Variants in POLE observed in about 807,000 individuals in gnomAD.
POLE encodes the protein DNA polymerase epsilon catalytic subunit A.
A neutral mutation model predicts 279.2 loss-of-function variants in POLE; 188 were observed. The ratio of observed to expected loss-of-function variants is 0.67; its 90% CI spans 0.60 to 0.76. The LOEUF is 0.76. Among genes scored for constraint, POLE ranks in the 30% least tolerant of loss-of-function variants. The pLI is 0.00. For missense variants in POLE, 2,703 were observed against 3,016.7 expected (o/e 0.90, Z 2.44); for synonymous variants, 1,214 against 1,172.5 (o/e 1.04, Z -0.72).
chr12:132,646,804 C>T (rs201954242), intron 32 of POLE, among the ~76,000 whole-genome samples: 47 of 151,830 alleles, frequency 3.1e-4, no homozygotes, highest in African/African-American at 1.0e-3. Context: ...GGACTCCAGC[C>T]GGGCAACAGG....
At chr12:132,650,600 GT>G (rs1452408289) in intron 29 of POLE, 2 of 152,156 alleles carry the variant, frequency 1.3e-5, no homozygotes, top group African/African-American at 4.8e-5. Context: ...GGGCGAGAGG[GT>G]GAGACCCTCT....
intron 19 of POLE, 76 bp from the exon 20 acceptor site, chr12:132,667,724 GAAGA>G: frequency 6.8e-7 from 1 of 1,465,122 alleles, no homozygotes; most frequent in Non-Finnish European, 9.5e-7. Context: ...CAGGGGTGCT[GAAGA>G]ACATGGCTTC....
chr12:132,659,763 A>C, intron 25 of POLE: 1 of 438,810 alleles, frequency 2.3e-6, no homozygotes, highest in Admixed American at 3.9e-5. Flanking sequence ...TGCAATCTCA[A>C]CTCACTAAAA....
Position 132,679,542 on chromosome 12 carries a change from C to T in POLE, c.533G>A (p.Arg178Lys). ...CGCGTCGCTGGCGTGATCCTGCTCC[C>T]TGTTCTTCTTCACGGCAGGGGAGAT... is the stretch of plus-strand genomic sequence containing the variant. ...KEISPAVKKN[R>K]EQDHASDAYT... The change falls in exon 6 of 49, where the codon AGG becomes AAG. Residue 178 changes from arginine (R) to lysine (K), a missense_variant. Arg to Lys is a conservative substitution (Grantham distance 26). Coordinates refer to ENST00000320574, the MANE Select transcript of POLE (RefSeq NM_006231.4). 6.2e-7 allele frequency: 1 copy of T among 1,614,102 alleles called. No homozygotes were observed. The highest frequency in any genetic ancestry group is 8.5e-7 in the Non-Finnish European group (1 of 1,179,952).
Position 132,675,473 on chromosome 12 carries a change from T to G in POLE, c.1151A>C (p.Gln384Pro). The G allele has an allele frequency of 6.2e-7, 1 of 1,614,182 alleles. No homozygotes were observed. The highest frequency in any genetic ancestry group is 8.5e-7 in the Non-Finnish European group (1 of 1,180,026). Reference sequence around the variant, plus strand: ...GTCCTTCTGGAAGCCTATCTCCTGCTGCATGCTCAGACCGTGGACTGCTGC... The same window carrying G: ...GTCCTTCTGGAAGCCTATCTCCTGCGGCATGCTCAGACCGTGGACTGCTGC... Reference protein sequence around the residue: ...ARAAVHGLSMQQEIGFQKDSQ... With the variant: ...ARAAVHGLSMPQEIGFQKDSQ... Residue 384 changes from glutamine (Q) to proline (P), a missense_variant, in exon 12 of 49, where the codon CAG becomes CCG. Physicochemically the swap from Gln to Pro is moderately conservative, Grantham distance 76. Transcript: ENST00000320574. This position sits in a 1 kb window ranked among gnomAD's most constrained non-coding sequence, Gnocchi z 4.3.
intron 33 of POLE, 22 bp downstream of exon 33, chr12:132,643,815 T>C (rs2138557624): frequency 6.2e-7 from 1 of 1,609,802 alleles, no homozygotes; most frequent in South Asian, 1.1e-5. Context: ...CCCAGTTCAG[T>C]CGAGGGTGGC....
chr12:132,666,391 C>T (rs2042797527), intron 20 of POLE, among the ~76,000 whole-genome samples: 1 of 152,214 alleles, frequency 6.6e-6, no homozygotes, highest in Non-Finnish European at 1.5e-5. Flanking sequence ...ACTTTGAGAC[C>T]AGCCTGGGCA....
chr12:132,661,508 A>G lies in POLE; in HGVS notation c.2864+19T>C. ...CAATCCATGTCCTTTCTAAAGCACA[A>G]AAGCTATGAGAGTCCCACCTCTTCT... is the stretch of plus-strand genomic sequence containing the variant. On this transcript the variant is annotated intron_variant, in intron 24 of 48. Transcript: ENST00000320574. The surrounding 1 kb of genome is among the most constrained non-coding windows in gnomAD (Gnocchi z 4.1). 6.2e-7 allele frequency: 1 copy of G among 1,612,914 alleles called. No homozygotes were observed. The highest frequency in any genetic ancestry group is 8.5e-7 in the Non-Finnish European group (1 of 1,179,362).
At chr12:132,667,450 C>G (rs963084218) in intron 20 of POLE, 53 bp downstream of exon 20, 1 of 1,593,114 alleles carries the variant, frequency 6.3e-7, no homozygotes. Context: ...ACTTCATGAG[C>G]CGACTGAAAC....
intron 41 of POLE, 70 bp from the exon 42 acceptor site, chr12:132,636,094 C>G (rs2138488482): frequency 6.6e-7 from 1 of 1,526,424 alleles, no homozygotes; most frequent in South Asian, 1.2e-5. Flanking sequence ...TTTATTTCCC[C>G]TTGTATCTAT....
chr12:132,625,038 GC>G, intron 47 of POLE, 44 bp from the exon 48 acceptor site: 1 of 1,424,948 alleles, frequency 7.0e-7, no homozygotes, highest in Non-Finnish European at 9.9e-7. Context: ...TCCCGCGCTG[GC>G]CAGACCTGCC....
intron 29 of POLE, among the ~76,000 whole-genome samples, chr12:132,654,418 C>T (rs999674490): frequency 6.6e-6 from 1 of 152,038 alleles, no homozygotes; most frequent in Non-Finnish European, 1.5e-5. Context: ...AAGTTCTATT[C>T]AGGTTTTTAT....
intron 25 of POLE, 132 bp downstream of exon 25, chr12:132,660,837 T>C: frequency 1.6e-6 from 1 of 627,772 alleles, no homozygotes; most frequent in East Asian, 2.7e-5. Flanking sequence ...TCAGGAGGTC[T>C]TGGGATTTCA....
At chr12:132,625,989 C>A in intron 46 of POLE, 128 bp downstream of exon 46, 1 of 1,141,468 alleles carries the variant, frequency 8.8e-7, no homozygotes. Context: ...GGCCTGTTGC[C>A]AATCCATGTG....
chr12:132,652,313 CCTT>C (rs1487658492), intron 29 of POLE, among the ~76,000 whole-genome samples: 2 of 121,596 alleles, frequency 1.6e-5, no homozygotes, highest in African/African-American at 6.4e-5. Flanking sequence ...ATTGTAGTTT[CCTT>C]TTTTTTTTTT....
At position 132,668,982 on chromosome 12, in the gene POLE, T is replaced by G. The variant is rs1453062866; in HGVS notation, c.1795-43A>C. On this transcript the variant is annotated intron_variant, in intron 16 of 48. Coordinates refer to ENST00000320574, the MANE Select transcript of POLE (RefSeq NM_006231.4). The surrounding 1 kb of genome is among the most constrained non-coding windows in gnomAD (Gnocchi z 4.0). ...CTCAGTAGAGGCTGGTGACCAAGCT[T>G]GCCTCGTGTGCAGTTCACCAACCCC... The G allele has an allele frequency of 5.0e-6, 8 of 1,591,712 alleles. No individual in the cohort carries two copies. Among genetic ancestry groups the G allele is most frequent in the Admixed American group, 3.4e-5 (2 of 58,686 alleles).
chr12:132,641,112 G>A, intron 39 of POLE: 1 of 455,746 alleles, frequency 2.2e-6, no homozygotes, highest in South Asian at 1.6e-5. Flanking sequence ...CCGTCCCTGG[G>A]CTGATGTGGG....
At chr12:132,632,292 C>T in intron 45 of POLE, 23 bp downstream of exon 45, 1 of 1,596,418 alleles carries the variant, frequency 6.3e-7, no homozygotes, top group Non-Finnish European at 8.6e-7. Flanking sequence ...GTCCTCTCCT[C>T]ACACGCACGC....
In POLE at chr12:132,639,247, G is replaced by A. The variant is rs2138510596; in HGVS notation, c.5430C>T (p.His1810=). 1 of 1,614,098 alleles carries A rather than the reference G, an allele frequency of 6.2e-7. No individual in the cohort carries two copies. Among genetic ancestry groups the A allele is most frequent in the Non-Finnish European group, 8.5e-7 (1 of 1,179,974 alleles). Residue 1810 remains histidine (H), a synonymous_variant, in exon 40 of 49, where the codon CAC becomes CAT. Coordinates refer to ENST00000320574, the MANE Select transcript of POLE (RefSeq NM_006231.4). This position sits in a 1 kb window ranked among gnomAD's most constrained non-coding sequence, Gnocchi z 4.7. ...TCACCTGGTTGTCTGCATAGATGTT[G>A]TGGTACTGGGTGATCTCCTTCACCC... The part of the protein sequence containing the change: ...VGWVKEITQY[H]NIYADNQVMH...
Sources: allele counts gnomAD v4.1 joint callset (sites outside exome capture counted in the v4.1 genomes callset), GRCh38; gene constraint gnomAD v4.1.1; non-coding constraint Gnocchi (gnomAD v3.1); transcripts MANE v1.5; gene names NCBI Gene and HGNC (gene_info 2026-07-23, HGNC 2026-07-21).